Variants in ABCA10 observed in about 807,000 individuals in gnomAD.
ABCA10 encodes the protein ATP-binding cassette sub-family A member 10.
ABCA10 carries 169 observed loss-of-function variants against 187.5 expected under a neutral mutation model. The observed-to-expected ratio is 0.90, with a 90% CI of 0.80 to 1.02. The LOEUF (loss-of-function observed/expected upper bound fraction) is 1.02, where lower values mean the gene tolerates loss of function less well. ABCA10 is among the 50% of genes least tolerant of loss of function. The pLI is 0.00. For missense variants in ABCA10, 1,727 were observed against 1,812.4 expected (o/e 0.95, Z 0.86); for synonymous variants, 574 against 601.8 (o/e 0.95, Z 0.68).
At chr17:69,195,173 T>G (rs2074488684) in intron 11 of ABCA10, among the ~76,000 whole-genome samples, 1 of 152,132 alleles carries the variant, frequency 6.6e-6, no homozygotes, top group Non-Finnish European at 1.5e-5. Context: ...TTTTAAAAGA[T>G]TCTCTGAAGA....
At chr17:69,163,892 T>C (rs1476736169) in intron 27 of ABCA10, among the ~76,000 whole-genome samples, 182 bp downstream of exon 27, 2 of 152,190 alleles carry the variant, frequency 1.3e-5, no homozygotes, top group East Asian at 3.8e-4. Context: ...TTCTAGTATG[T>C]ATTATATTAT....
At chr17:69,224,496 A>C (rs938716489) in intron 3 of ABCA10, among the ~76,000 whole-genome samples, 1 of 152,128 alleles carries the variant, frequency 6.6e-6, no homozygotes, top group Non-Finnish European at 1.5e-5. Context: ...CAGAGACCAC[A>C]GCTGACCACC....
At chr17:69,203,480 T>A (rs1294520443) in intron 9 of ABCA10, among the ~76,000 whole-genome samples, 3 of 152,186 alleles carry the variant, frequency 2.0e-5, no homozygotes, top group Admixed American at 2.0e-4. Context: ...TCATCTCTTT[T>A]CCCTCTCACT....
chr17:69,234,406 C>T (rs185490351), intron 1 of ABCA10: 1 of 152,362 alleles, frequency 6.6e-6, no homozygotes, highest in East Asian at 1.9e-4. Flanking sequence ...TTCTGGACTC[C>T]TTGGCAGATG....
rs758251669 is a variant in ABCA10, at chr17:69,175,489, A to G, written c.2794T>C (p.Phe932Leu). Reference sequence around the variant, plus strand: ...AACAAAAATATGGACCCATCTATAAAACCAAGATCCAGCACTATGTCATCC... The same window carrying G: ...AACAAAAATATGGACCCATCTATAAGACCAAGATCCAGCACTATGTCATCC... ...SRDDIVLDLG[F>L]IDGSIFLLLI... is the part of the protein sequence containing the mutation. Residue 932 changes from phenylalanine (F) to leucine (L), a missense_variant, in exon 23 of 39, where the codon TTT becomes CTT. Physicochemically the swap from Phe to Leu is conservative, Grantham distance 22. Transcript: ENST00000690296. The G allele has an allele frequency of 3.7e-6, 6 of 1,611,492 alleles. No individual in the cohort carries two copies. The highest frequency in any genetic ancestry group is 4.5e-5 in the East Asian group (2 of 44,772).
intron 1 of ABCA10, chr17:69,234,704 T>G (rs972157300): frequency 3.3e-5 from 5 of 152,256 alleles, no homozygotes; most frequent in African/African-American, 1.2e-4. Flanking sequence ...GTCATCTTGC[T>G]GGCATCACTC....
chr17:69,191,107 C>A, intron 17 of ABCA10, 69 bp downstream of exon 17: 2 of 1,313,722 alleles, frequency 1.5e-6, no homozygotes, highest in Admixed American at 3.0e-5. Context: ...ATTCATAGAA[C>A]AACAGAAAAT....
rs201705204 is a variant in ABCA10, at chr17:69,193,088, G to A, written c.1780+22C>T. On this transcript the variant is annotated intron_variant, in intron 15 of 38. Transcript: ENST00000690296. ...TGTTAAATCCTTAAATAACTAGTTG[G>A]AATAAAGAAGCCAAGAATCACCAGC... The A allele has an allele frequency of 1.4e-3, 2,236 of 1,578,220 alleles. 2 individuals are homozygous for A. The highest frequency in any genetic ancestry group is 1.8e-3 in the Non-Finnish European group (2,088 of 1,167,710).
intron 9 of ABCA10, among the ~76,000 whole-genome samples, chr17:69,208,769 G>A (rs1229248051): frequency 6.6e-6 from 1 of 152,190 alleles, no homozygotes; most frequent in African/African-American, 2.4e-5. Context: ...AGGCACAGTG[G>A]CTCACATTTG....
chr17:69,165,395 C>G (rs2074247913), intron 25 of ABCA10, among the ~76,000 whole-genome samples: 1 of 152,092 alleles, frequency 6.6e-6, no homozygotes, highest in Non-Finnish European at 1.5e-5. Context: ...AATATGTTTT[C>G]AGTACAAGGA....
At chr17:69,208,247 C>G (rs2074606605) in intron 9 of ABCA10, among the ~76,000 whole-genome samples, 1 of 151,668 alleles carries the variant, frequency 6.6e-6, no homozygotes, top group Non-Finnish European at 1.5e-5. Context: ...GAAAGCCCAT[C>G]TCTACTAAAA....
intron 3 of ABCA10, 128 bp from the exon 4 acceptor site, chr17:69,222,825 C>G (rs1371936559): frequency 3.7e-6 from 3 of 800,894 alleles, no homozygotes; most frequent in African/African-American, 3.6e-5. Flanking sequence ...ATAGCTGCCT[C>G]TTAGTAAAAG....
chr17:69,219,818 T>C, intron 5 of ABCA10, 47 bp from the exon 6 acceptor site: 3 of 1,279,578 alleles, frequency 2.3e-6, no homozygotes, highest in South Asian at 3.4e-5. Flanking sequence ...ATAGACAAAA[T>C]ATATTAGAAA....
Position 69,155,958 on chromosome 17 carries a change from A to G in ABCA10, c.3456-33T>C. The G allele has an allele frequency of 1.9e-6, 3 of 1,598,876 alleles. No individual in the cohort carries two copies. The South Asian group carries it at 3.4e-5, about 18-fold the overall frequency. Reference sequence around the variant, plus strand: ...GGAAATAAAATAACATAAAAATGCAATTTTGGCTGTACAACTGTTAAGAAA... The same window carrying G: ...GGAAATAAAATAACATAAAAATGCAGTTTTGGCTGTACAACTGTTAAGAAA... On this transcript the variant is annotated intron_variant, in intron 28 of 38. Coordinates refer to ENST00000690296, the MANE Select transcript of ABCA10 (RefSeq NM_001377321.1).
At chr17:69,181,454 T>C (rs1349603687) in intron 22 of ABCA10, among the ~76,000 whole-genome samples, 1 of 151,962 alleles carries the variant, frequency 6.6e-6, no homozygotes, top group Non-Finnish European at 1.5e-5. Context: ...TCTAATGTTC[T>C]GTGTTGGACT....
chr17:69,169,911 G>A (rs541433718), intron 25 of ABCA10, among the ~76,000 whole-genome samples: 15 of 152,152 alleles, frequency 9.9e-5, no homozygotes, highest in East Asian at 7.7e-4. Flanking sequence ...CAAAGATTTC[G>A]TGGCCATAGT....
At chr17:69,239,057 T>C (rs1598135149) in intron 1 of ABCA10, among the ~76,000 whole-genome samples, 2 of 152,154 alleles carry the variant, frequency 1.3e-5, no homozygotes, top group South Asian at 2.1e-4. Flanking sequence ...CAAATTTTAT[T>C]TGGTAACTAC....
chr17:69,149,099 A>G lies in ABCA10; in HGVS notation c.4478-11T>C. Reference sequence around the variant, plus strand: ...TGAAGGTCTGTTTCACTGCATGTAAAGAGACTGACATTAGTGGCTTATATA... The same window carrying G: ...TGAAGGTCTGTTTCACTGCATGTAAGGAGACTGACATTAGTGGCTTATATA... On this transcript the variant is annotated splice_polypyrimidine_tract_variant and intron_variant, in intron 37 of 38. Coordinates refer to ENST00000690296, the MANE Select transcript of ABCA10 (RefSeq NM_001377321.1). The G allele has an allele frequency of 6.2e-7, 1 of 1,613,778 alleles. No homozygotes were observed. The highest frequency in any genetic ancestry group is 8.5e-7 in the Non-Finnish European group (1 of 1,179,758).
In ABCA10 at chr17:69,153,944, C is replaced by G; in HGVS notation, c.3852G>C (p.Gly1284=). ...QQHDNSLKFL[G]YCPQENSLWP... Reference sequence around the variant, plus strand: ...ACAGTGAGTTCTCCTGAGGGCAGTACCCCAAGAACTTGAGGCTGTTGTCAT... The same window carrying G: ...ACAGTGAGTTCTCCTGAGGGCAGTAGCCCAAGAACTTGAGGCTGTTGTCAT... Residue 1284 remains glycine (G), a synonymous_variant, in exon 32 of 39, where the codon GGG becomes GGC. Transcript: ENST00000690296. 6.2e-7 allele frequency: 1 copy of G among 1,614,048 alleles called. No individual in the cohort carries two copies. Among genetic ancestry groups the G allele is most frequent in the Non-Finnish European group, 8.5e-7 (1 of 1,179,980 alleles).
Sources: allele counts gnomAD v4.1 joint callset (sites outside exome capture counted in the v4.1 genomes callset), GRCh38; gene constraint gnomAD v4.1.1; transcripts MANE v1.5; gene names NCBI Gene and HGNC (gene_info 2026-07-23, HGNC 2026-07-21).